RNF130: variants seen among roughly 807,000 people sequenced by gnomAD.
RNF130 encodes E3 ubiquitin-protein ligase RNF130.
RNF130 carries 21 observed loss-of-function variants against 44.6 expected under a neutral mutation model. The ratio of observed to expected loss-of-function variants is 0.47; its 90% CI spans 0.33 to 0.68. The LOEUF (loss-of-function observed/expected upper bound fraction) is 0.68. Ranked by LOEUF, RNF130 falls within the 30% of genes least tolerant of loss-of-function variation. RNF130 has a pLI of 0.02. For missense variants in RNF130, 479 were observed against 560.6 expected (o/e 0.85, Z 1.47); for synonymous variants, 214 against 210.4 (o/e 1.02, Z -0.15).
intron 3 of RNF130, among the ~76,000 whole-genome samples, chr5:180,001,444 T>C (rs1224343726): frequency 6.6e-6 from 1 of 152,156 alleles, no homozygotes; most frequent in Non-Finnish European, 1.5e-5. Flanking sequence ...ATGGTCAGGA[T>C]CTGTGACTGT....
At chr5:180,056,826 T>C (rs1415818753) in intron 1 of RNF130, among the ~76,000 whole-genome samples, 2 of 152,150 alleles carry the variant, frequency 1.3e-5, no homozygotes, top group African/African-American at 4.8e-5. Context: ...CACATATTCA[T>C]AAAGCAGATC....
At chr5:180,024,049 C>T (rs1438794794) in intron 2 of RNF130, among the ~76,000 whole-genome samples, 1 of 152,174 alleles carries the variant, frequency 6.6e-6, no homozygotes, top group Non-Finnish European at 1.5e-5. Flanking sequence ...AAACCCATAT[C>T]CCTAGCCTAA....
intron 4 of RNF130, 101 bp from the exon 5 acceptor site, chr5:179,978,386 C>A: frequency 1.3e-6 from 1 of 785,240 alleles, no homozygotes; most frequent in Admixed American, 2.2e-5. Context: ...CTATGGTAAG[C>A]AAGTGTTATA....
chr5:180,015,562 G>A lies in RNF130; in HGVS notation c.443-2251C>T, dbSNP rs865788328. 4.0e-4 allele frequency among the ~76,000 whole-genome samples: 22 copies of A among 55,152 alleles called. 2 individuals are homozygous for A. Among genetic ancestry groups the A allele is most frequent in the South Asian group, 6.6e-4 (1 of 1,506 alleles). 36.2% of individuals were successfully genotyped at this position (55,152 alleles called of 152,430 possible). On this transcript the variant is annotated intron_variant, in intron 2 of 8. Transcript: ENST00000521389. ...GGAAAGGAGTAGGGGAAGGAGTAGG[G>A]AAGGAGTAGGGAAAGGAGTAGGGAA... is the stretch of plus-strand genomic sequence containing the variant.
intron 7 of RNF130, among the ~76,000 whole-genome samples, chr5:179,936,182 C>G (rs937026341): frequency 2.0e-5 from 3 of 152,166 alleles, no homozygotes; most frequent in Non-Finnish European, 4.4e-5. Context: ...AGTGCAGAGG[C>G]ACGATCATGG....
At chr5:179,932,315 T>C (rs1449933174) in intron 7 of RNF130, among the ~76,000 whole-genome samples, 1 of 152,094 alleles carries the variant, frequency 6.6e-6, no homozygotes, top group Non-Finnish European at 1.5e-5. Context: ...TGGAGTGCAG[T>C]GGTGCAATCT....
At chr5:179,997,481 A>G (rs1271545028) in intron 3 of RNF130, among the ~76,000 whole-genome samples, 3 of 151,688 alleles carry the variant, frequency 2.0e-5, no homozygotes, top group Non-Finnish European at 4.4e-5. Flanking sequence ...CCACCACCAC[A>G]CCCGGCTAAT....
At chr5:179,970,575 A>C (rs1762559486) in intron 5 of RNF130, 69 bp from the exon 6 acceptor site, 1 of 1,233,370 alleles carries the variant, frequency 8.1e-7, no homozygotes, top group Non-Finnish European at 1.2e-6. Flanking sequence ...AATGGAAAGA[A>C]AGGGAATTTT....
intron 2 of RNF130, among the ~76,000 whole-genome samples, chr5:180,026,544 G>A (rs771014735): frequency 7.2e-5 from 11 of 152,156 alleles, no homozygotes; most frequent in Non-Finnish European, 1.5e-4. Flanking sequence ...TGTCAATGAC[G>A]TCATGGACAG....
chr5:179,955,726 A>G (rs1762198202), intron 8 of RNF130, 57 bp from the exon 9 acceptor site: 2 of 1,428,122 alleles, frequency 1.4e-6, no homozygotes, highest in Non-Finnish European at 1.9e-6. Context: ...AATGTTTAAA[A>G]TAACAGAGAA....
At chr5:179,967,612 T>A (rs1343865059) in intron 6 of RNF130, among the ~76,000 whole-genome samples, 1 of 151,860 alleles carries the variant, frequency 6.6e-6, no homozygotes, top group Non-Finnish European at 1.5e-5. Flanking sequence ...AGTCTACCAA[T>A]TAAAAAGTGA....
chr5:180,025,260 G>A lies in RNF130; in HGVS notation c.443-11949C>T, dbSNP rs187410124. Among the ~76,000 whole-genome samples the A allele has an allele frequency of 3.0e-4, 45 of 152,288 alleles. No individual in the cohort carries two copies. The East Asian group carries it at 5.2e-3, about 18-fold the overall frequency. On this transcript the variant is annotated intron_variant, in intron 2 of 8. Coordinates refer to ENST00000521389, the MANE Select transcript of RNF130 (RefSeq NM_018434.6). ...CTTCTATCAGTTAAGAACATCCTCC[G>A]TCCTGGAACCTAGGAAACTGATTTC...
rs538252975 is a variant in RNF130, at chr5:179,995,255, G to A, written c.694-15055C>T. ...ACTCATTTCCTCATCCCAACCACAG[G>A]AATCAGACAGACCATATATCTGCCT... On this transcript the variant is annotated intron_variant, in intron 3 of 8. Transcript: ENST00000521389. Among the ~76,000 whole-genome samples, 48 of 152,184 alleles carry A rather than the reference G, an allele frequency of 3.2e-4. No individual in the cohort carries two copies. The South Asian group carries it at 4.6e-3, about 14-fold the overall frequency.
intron 2 of RNF130, among the ~76,000 whole-genome samples, chr5:180,016,800 T>C (rs1353710944): frequency 6.6e-6 from 1 of 152,204 alleles, no homozygotes; most frequent in African/African-American, 2.4e-5. Context: ...TTTGTCAACA[T>C]TTTGTCCTTT....
intron 1 of RNF130, among the ~76,000 whole-genome samples, chr5:180,045,578 C>G (rs1252069151): frequency 6.6e-6 from 1 of 152,196 alleles, no homozygotes; most frequent in South Asian, 2.1e-4. Flanking sequence ...ATTCCCTTAT[C>G]TGACCCCACC....
At chr5:179,995,271 A>G (rs779965897) in intron 3 of RNF130, among the ~76,000 whole-genome samples, 8 of 152,128 alleles carry the variant, frequency 5.3e-5, no homozygotes, top group Non-Finnish European at 7.4e-5. Context: ...GACAGACCAT[A>G]TATCTGCCTT....
chr5:179,973,871 G>A (rs917009244), intron 5 of RNF130, among the ~76,000 whole-genome samples: 6 of 152,152 alleles, frequency 3.9e-5, no homozygotes, highest in African/African-American at 9.7e-5. Context: ...CATACTGAGC[G>A]CCAACAAAGT....
At chr5:180,045,954 C>T (rs1764554298) in intron 1 of RNF130, among the ~76,000 whole-genome samples, 1 of 152,236 alleles carries the variant, frequency 6.6e-6, no homozygotes, top group African/African-American at 2.4e-5. Context: ...GGCATGCCCA[C>T]ACTCCTCAGC....
At chr5:179,954,825 T>C (rs902609705), downstream of RNF130, among the ~76,000 whole-genome samples, 2 of 152,188 alleles carry the variant, frequency 1.3e-5, no homozygotes, top group African/African-American at 4.8e-5. Context: ...TAAGCTGAGG[T>C]AGAAGATTAA....
Sources: allele counts gnomAD v4.1 joint callset (sites outside exome capture counted in the v4.1 genomes callset), GRCh38; gene constraint gnomAD v4.1.1; transcripts MANE v1.5; gene names NCBI Gene and HGNC (gene_info 2026-07-23, HGNC 2026-07-21).